The following TMCO4 variants were observed in gnomAD, a reference collection of about 807,000 sequenced individuals.
TMCO4 encodes the protein transmembrane and coiled-coil domains 4, also known as transmembrane and coiled-coil domain-containing protein 4.
A neutral mutation model predicts 64.7 loss-of-function variants in TMCO4; 58 were observed. The ratio of observed to expected loss-of-function variants is 0.90; its 90% CI spans 0.73 to 1.12. TMCO4 has a LOEUF of 1.12. Ranked by LOEUF, TMCO4 falls within the 50% of genes most tolerant of loss-of-function variation. TMCO4 has a pLI of 0.00. For synonymous variants in TMCO4, 325 were observed against 346.1 expected, an observed-to-expected ratio of 0.94 and a Z score of 0.68; for missense variants, 780 against 825.9, an observed-to-expected ratio of 0.94 and a Z score of 0.68.
Position 19,682,849 on chromosome 1 carries a change from A to C in TMCO4, c.*191T>G, listed in dbSNP as rs1393180501. ...CTCCTCTGGGGACAGGCAGCTTCCC[A>C]AGGGTGGGCGTGTTCTCTCCTCCAA... On this transcript the variant is annotated 3_prime_UTR_variant, in exon 16 of 16. Coordinates refer to ENST00000294543, the MANE Select transcript of TMCO4 (RefSeq NM_181719.7). 11 of 853,088 alleles carry C rather than the reference A, an allele frequency of 1.3e-5. No individual in the cohort carries two copies. In the Admixed American group the frequency reaches 2.3e-4, roughly 18 times the overall value. The allele number at this position is 853,088 out of a possible 1,614,324, so 52.8% of individuals were successfully genotyped here.
At chr1:19,690,866 C>CTTTTT (rs34764589) in intron 15 of TMCO4, among the ~76,000 whole-genome samples, 3 of 111,282 alleles carry the variant, frequency 2.7e-5, no homozygotes, top group Admixed American at 1.0e-4. Flanking sequence ...TGTGAAGACT[C>CTTTTT]TTTTTTTTTT....
intron 6 of TMCO4, among the ~76,000 whole-genome samples, chr1:19,761,596 T>C (rs575654438): frequency 2.0e-5 from 3 of 152,348 alleles, no homozygotes; most frequent in African/African-American, 7.2e-5. Flanking sequence ...AACAGGGTCA[T>C]GTGGAGACTT....
chr1:19,796,920 G>A lies in TMCO4; in HGVS notation c.-101+1217C>T, dbSNP rs140570888. ...TACCACCACCTGACAATGTATTATA[G>A]GTTTATTTATGGTCTATCTCCCTCA... On this transcript the variant is annotated intron_variant, in intron 2 of 15. Coordinates refer to ENST00000294543, the MANE Select transcript of TMCO4 (RefSeq NM_181719.7). 1.6e-4 allele frequency among the ~76,000 whole-genome samples: 25 copies of A among 152,152 alleles called. No individual in the cohort carries two copies. The East Asian group carries it at 4.8e-3, about 29-fold the overall frequency.
intron 13 of TMCO4, among the ~76,000 whole-genome samples, chr1:19,701,820 A>G (rs1012831750): frequency 2.6e-5 from 4 of 152,074 alleles, no homozygotes; most frequent in African/African-American, 9.7e-5. Context: ...GAAATATTTC[A>G]GGTCAGGGCT....
At chr1:19,751,787 G>A (rs1238785461) in intron 7 of TMCO4, among the ~76,000 whole-genome samples, 1 of 152,082 alleles carries the variant, frequency 6.6e-6, no homozygotes, top group Non-Finnish European at 1.5e-5. Context: ...GGTGGCTCGC[G>A]CCTGTGGTCC....
rs1232361166 is a variant in TMCO4, at chr1:19,734,642, C to T, written c.1264+2730G>A. 6.6e-6 allele frequency among the ~76,000 whole-genome samples: 1 copy of T among 152,064 alleles called. No homozygotes were observed. Among genetic ancestry groups the T allele is most frequent in the Non-Finnish European group, 1.5e-5 (1 of 67,986 alleles). On this transcript the variant is annotated intron_variant, in intron 13 of 15. Coordinates refer to ENST00000294543, the MANE Select transcript of TMCO4 (RefSeq NM_181719.7). The surrounding 1 kb of genome is among the most constrained non-coding windows in gnomAD (Gnocchi z 4.4). ...CGTGGGCTGCAGAGACACCAGATGC[C>T]ACCGTTTCTAGACACCCCTGAGAGC...
intron 6 of TMCO4, among the ~76,000 whole-genome samples, chr1:19,760,245 C>T (rs2042439616): frequency 6.6e-6 from 1 of 152,118 alleles, no homozygotes; most frequent in South Asian, 2.1e-4. Flanking sequence ...AAGCAATCCT[C>T]CCACCTTGGC....
chr1:19,683,758 C>CTTTTTTTTT lies in TMCO4; in HGVS notation c.1501-323_1501-315dup, dbSNP rs531431284. Among the ~76,000 whole-genome samples, 7 of 79,066 alleles carry CTTTTTTTTT rather than the reference C, an allele frequency of 8.9e-5. 1 individual carries two copies. Among genetic ancestry groups the CTTTTTTTTT allele is most frequent in the African/African-American group, 3.1e-4 (6 of 19,550 alleles). 51.9% of individuals were successfully genotyped at this position (79,066 alleles called of 152,430 possible). A position where few individuals can be genotyped will look rare whatever the true frequency, so the allele number is the denominator to read the frequency against. ...AGAAGCTCTCGTTCTTTGTCTGAAG[C>CTTTTTTTTT]TTTTTTTTTTTTTTTTTTTTTTTTT... On this transcript the variant is annotated intron_variant, in intron 15 of 15. Transcript: ENST00000294543.
chr1:19,745,495 C>T (rs777609644), intron 10 of TMCO4, 37 bp downstream of exon 10: 23 of 1,613,360 alleles, frequency 1.4e-5, no homozygotes, highest in African/African-American at 2.7e-5. Context: ...GCCACCACTG[C>T]CCACCCCCCT....
chr1:19,756,763 G>T (rs535011228), intron 6 of TMCO4, among the ~76,000 whole-genome samples: 1 of 152,074 alleles, frequency 6.6e-6, no homozygotes. Context: ...AAGCTGATGG[G>T]GGAGGATCAC....
intron 15 of TMCO4, among the ~76,000 whole-genome samples, chr1:19,683,757 G>A (rs1193444735): frequency 8.8e-6 from 1 of 114,216 alleles, no homozygotes; most frequent in Non-Finnish European, 1.7e-5. Context: ...TTTGTCTGAA[G>A]CTTTTTTTTT....
Position 19,771,371 on chromosome 1 carries a change from A to G in TMCO4, c.291T>C (p.Asp97=). ...FASGLGGEGA[D]VFVQILLKDP... Reference sequence around the variant, plus strand: ...CCTTCAGTAAAATTTGAACAAACACATCTGCTCCTTCACCTCCCAGGCCGC... The same window carrying G: ...CCTTCAGTAAAATTTGAACAAACACGTCTGCTCCTTCACCTCCCAGGCCGC... The change falls in exon 5 of 16, where the codon GAT becomes GAC. Residue 97 remains aspartate, a synonymous_variant. Coordinates refer to ENST00000294543, the MANE Select transcript of TMCO4 (RefSeq NM_181719.7). The G allele has an allele frequency of 6.2e-7, 1 of 1,614,168 alleles. No homozygotes were observed. Among genetic ancestry groups the G allele is most frequent in the Non-Finnish European group, 8.5e-7 (1 of 1,180,022 alleles).
At chr1:19,691,081 G>A (rs2095190328) in intron 15 of TMCO4, among the ~76,000 whole-genome samples, 1 of 152,024 alleles carries the variant, frequency 6.6e-6, no homozygotes, top group African/African-American at 2.4e-5. Flanking sequence ...TGTTAGCCAG[G>A]ATGGTCTCGA....
chr1:19,683,779 T>TC (rs1280714734), intron 15 of TMCO4, among the ~76,000 whole-genome samples: 4 of 137,916 alleles, frequency 2.9e-5, no homozygotes, highest in Admixed American at 2.1e-4. Context: ...TTTTTTTTTT[T>TC]TTTTTTTTTG....
intron 2 of TMCO4, among the ~76,000 whole-genome samples, chr1:19,789,829 G>A (rs1200844219): frequency 6.6e-6 from 1 of 151,980 alleles, no homozygotes; most frequent in Non-Finnish European, 1.5e-5. Flanking sequence ...GAGGCAGGTG[G>A]ATCTCTTGAG....
intron 6 of TMCO4, among the ~76,000 whole-genome samples, chr1:19,763,653 T>C (rs55786126): frequency 0.12 from 17,843 of 152,204 alleles, 1,150 homozygotes; most frequent in Non-Finnish European, 0.13. Context: ...ACAGGTCACA[T>C]TCATATAACT....
intron 7 of TMCO4, among the ~76,000 whole-genome samples, chr1:19,749,128 G>A (rs528626005): frequency 6.6e-6 from 1 of 152,334 alleles, no homozygotes; most frequent in East Asian, 1.9e-4. Flanking sequence ...TAGCACAGTG[G>A]GAGGCAGGAG....
chr1:19,765,348 G>A (rs2042685536), intron 6 of TMCO4, among the ~76,000 whole-genome samples: 1 of 152,176 alleles, frequency 6.6e-6, no homozygotes, highest in Non-Finnish European at 1.5e-5. Context: ...GCCTAGAAGA[G>A]CAACTAGAAG....
chr1:19,724,907 G>A (rs545915493), intron 13 of TMCO4, among the ~76,000 whole-genome samples: 23 of 152,180 alleles, frequency 1.5e-4, no homozygotes, highest in Non-Finnish European at 2.4e-4. Context: ...GACTACAGGC[G>A]CACACCACAA....
Sources: allele counts gnomAD v4.1 joint callset (sites outside exome capture counted in the v4.1 genomes callset), GRCh38; gene constraint gnomAD v4.1.1; non-coding constraint Gnocchi (gnomAD v3.1); transcripts MANE v1.5; gene names NCBI Gene and HGNC (gene_info 2026-07-23, HGNC 2026-07-21).